The following NLGN4Y variants were observed in gnomAD, a reference collection of about 807,000 sequenced individuals.
NLGN4Y encodes the protein neuroligin 4 Y-linked, also known as neuroligin-4, Y-linked.
NLGN4Y carries 4 observed loss-of-function variants against 8.4 expected under a neutral mutation model. The ratio of observed to expected loss-of-function variants is 0.48; its 90% CI spans 0.23 to 1.09. NLGN4Y has a LOEUF of 1.09. NLGN4Y is among the 50% of genes least tolerant of loss of function. NLGN4Y has a pLI of 0.19. For missense variants in NLGN4Y, 90 were observed against 192.3 expected (o/e 0.47, Z 3.15); for synonymous variants, 35 against 75.6 (o/e 0.46, Z 2.78).
intron 4 of NLGN4Y, among the ~76,000 whole-genome samples, chrY:14,728,855 A>G (rs1603503271): frequency 3.0e-5 from 1 of 33,500 alleles, no homozygotes; most frequent in East Asian, 7.9e-4. Context: ...TAATGTGACT[A>G]TTCTTAAGGC....
At chrY:14,663,000 C>T in intron 2 of NLGN4Y, among the ~76,000 whole-genome samples, 2 of 33,508 alleles carry the variant, frequency 6.0e-5, no homozygotes. Context: ...CATTAACCAT[C>T]CCTACTTTCC....
At chrY:14,809,161 ATTCCTTCCACAT>A (rs2043068521) in intron 4 of NLGN4Y, among the ~76,000 whole-genome samples, 1 of 34,370 alleles carries the variant, frequency 2.9e-5, no homozygotes, top group African/African-American at 1.1e-4. Context: ...CACTGTTTGA[ATTCCTTCCACAT>A]TTTATTTTTT....
chrY:14,730,009 A>G (rs2080966684), intron 4 of NLGN4Y, among the ~76,000 whole-genome samples: 1 of 33,947 alleles, frequency 2.9e-5, no homozygotes, highest in Non-Finnish European at 7.3e-5. Flanking sequence ...AGATGTATAT[A>G]CTTGCTGACA....
Position 14,524,621 on chromosome Y carries a change from T to G in NLGN4Y, c.-199T>G, listed in dbSNP as rs772358488. 4.1e-5 allele frequency: 5 copies of G among 121,674 alleles called. No homozygotes were observed. In the Middle Eastern group the frequency reaches 7.5e-3, roughly 182 times the overall value. 30.4% of individuals were successfully genotyped at this position (121,674 alleles called of 400,897 possible). ...AACTTCAGCCCCGTCCCCTCCCCAC[T>G]GCCACGGCTGGGGCAACCCAACCCG... On this transcript the variant is annotated 5_prime_UTR_variant, in exon 1 of 7. Coordinates refer to ENST00000684976, the MANE Select transcript of NLGN4Y (RefSeq NM_001365588.1).
At chrY:14,804,454 G>T (rs976826810) in intron 4 of NLGN4Y, among the ~76,000 whole-genome samples, 2 of 33,321 alleles carry the variant, frequency 6.0e-5, no homozygotes, top group African/African-American at 2.4e-4. Flanking sequence ...ATCTTTGCCA[G>T]CTAGGCTTAT....
intron 6 of NLGN4Y, among the ~76,000 whole-genome samples, chrY:14,831,432 GTCACAATATTTATAGAGAAATATAA>G (rs2043178507): frequency 3.2e-5 from 1 of 31,078 alleles, no homozygotes; most frequent in African/African-American, 1.3e-4. Flanking sequence ...ACAAACAATT[GTCACAATATTTATAGAGAAATATAA>G]ATAAATATTC....
chrY:14,833,211 A>G (rs2043185855), intron 6 of NLGN4Y, among the ~76,000 whole-genome samples: 1 of 33,588 alleles, frequency 3.0e-5, no homozygotes, highest in East Asian at 7.9e-4. Flanking sequence ...TTCCCTGAAC[A>G]ATTGCTGTTA....
intron 2 of NLGN4Y, among the ~76,000 whole-genome samples, chrY:14,663,735 G>A (rs771305817): frequency 2.2e-4 from 7 of 32,221 alleles, no homozygotes; most frequent in African/African-American, 8.5e-4. Context: ...ACTTGAACCC[G>A]GGAGGCAGAG....
intron 2 of NLGN4Y, among the ~76,000 whole-genome samples, chrY:14,649,391 C>T (rs915004190): frequency 3.0e-5 from 1 of 33,187 alleles, no homozygotes; most frequent in Non-Finnish European, 7.4e-5. Flanking sequence ...ATATGAGCAA[C>T]GCAAAATCAA....
intron 2 of NLGN4Y, among the ~76,000 whole-genome samples, chrY:14,672,964 T>C: frequency 3.7e-5 from 1 of 27,124 alleles, no homozygotes; most frequent in Non-Finnish European, 8.4e-5. Flanking sequence ...CTGGGAAAAC[T>C]GGCTAGCCAT....
At chrY:14,558,598 T>C in intron 1 of NLGN4Y, among the ~76,000 whole-genome samples, 1 of 32,432 alleles carries the variant, frequency 3.1e-5, no homozygotes, top group African/African-American at 1.2e-4. Flanking sequence ...TAGGGAAAAA[T>C]ACATACACAG....
chrY:14,808,746 A>G (rs2043065869), intron 4 of NLGN4Y, among the ~76,000 whole-genome samples: 2 of 34,297 alleles, frequency 5.8e-5, no homozygotes, highest in African/African-American at 2.3e-4. Context: ...TCCATGAGCT[A>G]GCCATGCAGC....
intron 4 of NLGN4Y, among the ~76,000 whole-genome samples, chrY:14,815,533 G>C (rs1035880932): frequency 3.0e-5 from 1 of 33,528 alleles, no homozygotes; most frequent in African/African-American, 1.2e-4. Flanking sequence ...GGTGGTTGAA[G>C]TTGTAGAGTA....
intron 2 of NLGN4Y, among the ~76,000 whole-genome samples, chrY:14,645,090 T>C (rs2150517281): frequency 3.2e-5 from 1 of 30,878 alleles, no homozygotes; most frequent in East Asian, 8.3e-4. Context: ...AATCTGAGGA[T>C]AGGGCCCAAC....
chrY:14,556,598 C>T, intron 1 of NLGN4Y, among the ~76,000 whole-genome samples: 1 of 33,300 alleles, frequency 3.0e-5, no homozygotes, highest in Admixed American at 2.7e-4. Flanking sequence ...ATACATCTCC[C>T]TACCTTTTCA....
chrY:14,737,703 C>G, intron 4 of NLGN4Y, among the ~76,000 whole-genome samples: 1 of 32,078 alleles, frequency 3.1e-5, no homozygotes, highest in Non-Finnish European at 7.6e-5. Context: ...ACATTTGCCT[C>G]TAAAATATGT....
At chrY:14,647,507 A>G in intron 2 of NLGN4Y, among the ~76,000 whole-genome samples, 2 of 33,887 alleles carry the variant, frequency 5.9e-5, no homozygotes, top group Non-Finnish European at 1.5e-4. Context: ...TTATATTTAA[A>G]AATAAAATAT....
At chrY:14,809,177 A>AT (rs2043068620) in intron 4 of NLGN4Y, among the ~76,000 whole-genome samples, 1 of 34,198 alleles carries the variant, frequency 2.9e-5, no homozygotes, top group African/African-American at 1.1e-4. Context: ...TCCACATTTT[A>AT]TTTTTTAATA....
chrY:14,750,071 C>T, intron 4 of NLGN4Y, among the ~76,000 whole-genome samples: 4 of 33,097 alleles, frequency 1.2e-4, no homozygotes, highest in African/African-American at 4.7e-4. Flanking sequence ...AGTTTCATAT[C>T]TGAGATTCAG....
Sources: gnomAD v4.1 joint callset for allele counts (sites outside exome capture counted in the v4.1 genomes callset) on GRCh38, gnomAD v4.1.1 for gene constraint, MANE v1.5 for transcripts, NCBI Gene and HGNC (gene_info 2026-07-23, HGNC 2026-07-21) for gene names.